The following EPC2 variants were observed in gnomAD, a reference collection of about 807,000 sequenced individuals.
The protein encoded by EPC2 is enhancer of polycomb 2, also known as enhancer of polycomb homolog 2.
In EPC2, 14 loss-of-function variants were observed where a neutral mutation model predicts 92.1. That is an observed-to-expected ratio of 0.15 (90% CI 0.10 to 0.24). The LOEUF is 0.24. Among genes scored for constraint, EPC2 ranks in the 10% least tolerant of loss-of-function variants. The probability of loss-of-function intolerance (pLI) is 1.00; values close to 1 mark genes in which losing one functional copy is unlikely to be tolerated. For synonymous variants in EPC2, 340 were observed against 334.7 expected (o/e 1.02, Z -0.17); for missense variants, 755 against 971.5 (o/e 0.78, Z 2.96).
chr2:148,715,417 G>T (rs574375691), intron 2 of EPC2, among the ~76,000 whole-genome samples: 2 of 152,068 alleles, frequency 1.3e-5, no homozygotes, highest in Non-Finnish European at 2.9e-5. Flanking sequence ...GTAAGGAAGG[G>T]GTCCAGTTTC....
At chr2:148,765,463 T>A (rs934914673) in intron 7 of EPC2, among the ~76,000 whole-genome samples, 1 of 152,158 alleles carries the variant, frequency 6.6e-6, no homozygotes, top group African/African-American at 2.4e-5. Context: ...CCAAAAATTA[T>A]CAATATTTTA....
Position 148,786,435 on chromosome 2 carries a change from G to T in EPC2, c.*58G>T. The T allele has an allele frequency of 7.3e-7, 1 of 1,373,094 alleles. No homozygotes were observed. The highest frequency in any genetic ancestry group is 1.2e-5 in the South Asian group (1 of 81,074). 85.1% of individuals were successfully genotyped at this position (1,373,094 alleles called of 1,614,324 possible). A position where few individuals can be genotyped will look rare whatever the true frequency, so the allele number is the denominator to read the frequency against. ...GTGTGCAGTCATTCATATTCCAGCT[G>T]AATGCAAAAGGCAACACTCTGTGGA... On this transcript the variant is annotated 3_prime_UTR_variant, in exon 14 of 14. Transcript: ENST00000258484.
intron 1 of EPC2, among the ~76,000 whole-genome samples, chr2:148,651,358 C>T (rs570545019): frequency 1.3e-4 from 20 of 152,258 alleles, no homozygotes; most frequent in African/African-American, 3.6e-4. Context: ...TGTTTTCGTT[C>T]GGACATGCAG....
intron 11 of EPC2, 109 bp from the exon 12 acceptor site, chr2:148,783,488 A>G (rs1683796898): frequency 9.9e-7 from 1 of 1,012,880 alleles, no homozygotes; most frequent in Non-Finnish European, 1.4e-6. Flanking sequence ...AAACACTTGT[A>G]ATTGTTCAAG....
Position 148,749,708 on chromosome 2 carries a change from G to A in EPC2, c.460-4219G>A, listed in dbSNP as rs1203355444. ...TCTTTACTATGATGTTAAAGTATTT[G>A]TGTATTAAAAATGAAATTTGGTCTA... On this transcript the variant is annotated intron_variant, in intron 3 of 13. Coordinates refer to ENST00000258484, the MANE Select transcript of EPC2 (RefSeq NM_015630.4). Among the ~76,000 whole-genome samples, 4 of 151,964 alleles carry A rather than the reference G, an allele frequency of 2.6e-5. No individual in the cohort carries two copies. The East Asian group carries it at 5.8e-4, about 22-fold the overall frequency.
intron 4 of EPC2, among the ~76,000 whole-genome samples, chr2:148,759,594 CA>C (rs1273739058): frequency 1.3e-5 from 2 of 151,762 alleles, no homozygotes; most frequent in African/African-American, 4.8e-5. Context: ...ATGTGAATAT[CA>C]TTTTTTTTTG....
At chr2:148,747,548 G>A (rs1683008803) in intron 3 of EPC2, among the ~76,000 whole-genome samples, 1 of 151,942 alleles carries the variant, frequency 6.6e-6, no homozygotes, top group African/African-American at 2.4e-5. Flanking sequence ...ATTTTCAGAA[G>A]TTTGGCTATA....
chr2:148,784,708 A>G lies in EPC2; in HGVS notation c.2058A>G (p.Ser686=). 1 of 1,613,108 alleles carries G rather than the reference A, an allele frequency of 6.2e-7. No homozygotes were observed. Among genetic ancestry groups the G allele is most frequent in the Non-Finnish European group, 8.5e-7 (1 of 1,179,574 alleles). ...TATACTCCACCAATATGGCTTTATC[A>G]TCCAGCCCAGGGATTTCAGCTGTAC... The part of the protein sequence containing the change: ...KTLYSTNMAL[S]SSPGISAVQL... Residue 686 remains serine, a synonymous_variant, in exon 13 of 14, where the codon TCA becomes TCG. Transcript: ENST00000258484.
chr2:148,699,596 GAAT>G (rs1449017978), intron 2 of EPC2, among the ~76,000 whole-genome samples: 2 of 151,936 alleles, frequency 1.3e-5, no homozygotes, highest in Non-Finnish European at 2.9e-5. Flanking sequence ...TTTTATCATT[GAAT>G]AATGTTTTAT....
chr2:148,660,511 G>T (rs1364361867), intron 1 of EPC2, among the ~76,000 whole-genome samples: 1 of 151,360 alleles, frequency 6.6e-6, no homozygotes, highest in African/African-American at 2.4e-5. Flanking sequence ...TAGTGGTCTG[G>T]TGTATATGTT....
intron 1 of EPC2, among the ~76,000 whole-genome samples, chr2:148,676,292 AGAAGTGATTTT>A (rs1261842503): frequency 1.3e-5 from 2 of 152,092 alleles, no homozygotes; most frequent in African/African-American, 2.4e-5. Flanking sequence ...AGTAGCTATA[AGAAGTGATTTT>A]GTGTATCTTG....
At chr2:148,774,343 T>C in intron 10 of EPC2, among the ~76,000 whole-genome samples, 1 of 152,152 alleles carries the variant, frequency 6.6e-6, no homozygotes, top group Non-Finnish European at 1.5e-5. Flanking sequence ...AAATATATTC[T>C]AGGCCGGGCG....
chr2:148,739,830 CTTCTTTTTT>C (rs1318968586), intron 2 of EPC2, among the ~76,000 whole-genome samples: 2,318 of 96,306 alleles, frequency 0.024, 7 homozygotes, highest in East Asian at 0.04. Flanking sequence ...TTTTCTTCTT[CTTCTTTTTT>C]TTTTTTTTTT....
intron 3 of EPC2, among the ~76,000 whole-genome samples, chr2:148,753,592 A>G (rs1011213124): frequency 1.3e-5 from 2 of 152,108 alleles, no homozygotes; most frequent in Non-Finnish European, 2.9e-5. Context: ...AAATGTGTAT[A>G]ATATCAGAGT....
intron 4 of EPC2, among the ~76,000 whole-genome samples, chr2:148,756,667 C>T (rs567319578): frequency 3.3e-5 from 5 of 152,192 alleles, no homozygotes; most frequent in African/African-American, 1.2e-4. Context: ...ATTGGGAAAT[C>T]CTAGATCAGC....
At chr2:148,765,602 A>G (rs1427654503) in intron 7 of EPC2, among the ~76,000 whole-genome samples, 1 of 152,186 alleles carries the variant, frequency 6.6e-6, no homozygotes, top group Non-Finnish European at 1.5e-5. Context: ...GGTAATGGCT[A>G]TTTGATTCTA....
chr2:148,690,086 G>T lies in EPC2; in HGVS notation c.154-128G>T, dbSNP rs1681613295. 3 of 879,336 alleles carry T rather than the reference G, an allele frequency of 3.4e-6. No homozygotes were observed. The African/African-American group carries it at 5.1e-5, about 15-fold the overall frequency. The allele number at this position is 879,336 out of a possible 1,614,324, so 54.5% of individuals were successfully genotyped here. A position where few individuals can be genotyped will look rare whatever the true frequency, so the allele number is the denominator to read the frequency against. On this transcript the variant is annotated intron_variant, in intron 1 of 13. Transcript: ENST00000258484. ...ATGACAATGTAACTGTAGGTCTTTG[G>T]CAAAGGAACTATTTATAATTGATTC... is the stretch of plus-strand genomic sequence containing the variant.
chr2:148,680,669 G>A lies in EPC2; in HGVS notation c.154-9545G>A, dbSNP rs531545017. 6.6e-5 allele frequency among the ~76,000 whole-genome samples: 10 copies of A among 152,266 alleles called. No individual in the cohort carries two copies. The East Asian group carries it at 1.9e-3, about 29-fold the overall frequency. On this transcript the variant is annotated intron_variant, in intron 1 of 13. Coordinates refer to ENST00000258484, the MANE Select transcript of EPC2 (RefSeq NM_015630.4). ...TGACAGAGAAATTGATGGCATTGAG[G>A]TAAGATGAGTCATAGATTCTAGACC...
chr2:148,708,998 A>G (rs1682072108), intron 2 of EPC2, among the ~76,000 whole-genome samples: 1 of 152,218 alleles, frequency 6.6e-6, no homozygotes, highest in African/African-American at 2.4e-5. Flanking sequence ...TGGCCAGGGC[A>G]GTCAGGCAAG....
Sources: allele counts gnomAD v4.1 joint callset (sites outside exome capture counted in the v4.1 genomes callset), GRCh38; gene constraint gnomAD v4.1.1; transcripts MANE v1.5; gene names NCBI Gene and HGNC (gene_info 2026-07-23, HGNC 2026-07-21).